Variants in LTBP1 observed in about 807,000 individuals in gnomAD.
LTBP1 encodes latent-transforming growth factor beta-binding protein 1.
Under a neutral mutation model 207.6 loss-of-function variants are expected in LTBP1, and 129 were observed. The ratio of observed to expected loss-of-function variants is 0.62; its 90% CI spans 0.54 to 0.72. The LOEUF (loss-of-function observed/expected upper bound fraction) is 0.72. LTBP1 is among the 30% of genes least tolerant of loss of function. LTBP1 has a pLI of 0.00. For synonymous variants in LTBP1, 963 were observed against 833.7 expected (o/e 1.16, Z -2.67); for missense variants, 2,281 against 2,217.2 (o/e 1.03, Z -0.58).
At chr2:33,211,113 T>C (rs1196602550) in intron 7 of LTBP1, among the ~76,000 whole-genome samples, 1 of 149,546 alleles carries the variant, frequency 6.7e-6, no homozygotes, top group East Asian at 1.9e-4. Context: ...ATGAAGACAA[T>C]TAATAAGAGT....
chr2:33,275,295 A>C (rs1339855383), intron 17 of LTBP1, among the ~76,000 whole-genome samples: 10 of 152,192 alleles, frequency 6.6e-5, no homozygotes, highest in Middle Eastern at 3.4e-3. Flanking sequence ...ATATATGTGC[A>C]TAGACAAGAT....
chr2:33,124,849 C>A (rs758746742), intron 4 of LTBP1, among the ~76,000 whole-genome samples: 6 of 152,156 alleles, frequency 3.9e-5, no homozygotes, highest in Non-Finnish European at 8.8e-5. Context: ...GGTTGGATGG[C>A]GTTATTCTGA....
At chr2:33,032,029 T>C (rs888105491) in intron 3 of LTBP1, among the ~76,000 whole-genome samples, 4 of 152,186 alleles carry the variant, frequency 2.6e-5, no homozygotes, top group African/African-American at 9.7e-5. Flanking sequence ...AGGGATCTGA[T>C]TCCCTTTAAA....
Position 33,382,111 on chromosome 2 carries a change from T to TTTTTTTTTTTTTTTG in LTBP1, c.4712-7072_4712-7071insTTTTTTTTTTTTTGT, listed in dbSNP as rs1553316521. Among the ~76,000 whole-genome samples the TTTTTTTTTTTTTTTG allele has an allele frequency of 4.8e-5, 5 of 103,652 alleles. 2 individuals are homozygous for TTTTTTTTTTTTTTTG. Among genetic ancestry groups the TTTTTTTTTTTTTTTG allele is most frequent in the African/African-American group, 2.4e-4 (5 of 20,682 alleles). The allele number at this position is 103,652 out of a possible 152,430, so 68.0% of individuals were successfully genotyped here. On this transcript the variant is annotated intron_variant, in intron 31 of 33. Transcript: ENST00000404816. ...TTTTTTTTTTTTTTTTTTTTTTTTT[T>TTTTTTTTTTTTTTTG]TGAGACAGAGTCTCGCTCTGTTGCC... is the stretch of plus-strand genomic sequence containing the variant.
chr2:33,142,864 C>T (rs888858786), intron 5 of LTBP1, among the ~76,000 whole-genome samples: 1 of 152,184 alleles, frequency 6.6e-6, no homozygotes, highest in Admixed American at 6.5e-5. Flanking sequence ...AATAAATAAC[C>T]TTTCAAAATT....
intron 15 of LTBP1, among the ~76,000 whole-genome samples, chr2:33,263,750 G>A (rs924001149): frequency 6.6e-6 from 1 of 151,984 alleles, no homozygotes; most frequent in South Asian, 2.1e-4. Context: ...TCAAGAGATC[G>A]AGACCATCCT....
intron 5 of LTBP1, among the ~76,000 whole-genome samples, chr2:33,182,705 C>T (rs996481606): frequency 0.095 from 5,258 of 55,364 alleles, 780 homozygotes; most frequent in Middle Eastern, 0.17. Flanking sequence ...TATATACACA[C>T]ACACACACAC....
chr2:33,370,658 C>T (rs150785917), intron 31 of LTBP1, among the ~76,000 whole-genome samples: 7 of 152,306 alleles, frequency 4.6e-5, no homozygotes, highest in African/African-American at 1.7e-4. Flanking sequence ...TGCCATTGAA[C>T]CTTTTAAATA....
Position 33,021,144 on chromosome 2 carries a change from C to T in LTBP1, c.801C>T (p.Ala267=), listed in dbSNP as rs137943358. 13 of 1,613,534 alleles carry T rather than the reference C, an allele frequency of 8.1e-6. No homozygotes were observed. The African/African-American group carries it at 1.7e-4, about 22-fold the overall frequency. ...CTCTACCAAGAGTCAGCCCTGTGGCCCAGATGACCTTAACCCTCAAGCCGA... is the reference window on the plus strand; with the variant it reads ...CTCTACCAAGAGTCAGCCCTGTGGCTCAGATGACCTTAACCCTCAAGCCGA... ...ADTLPRVSPV[A]QMTLTLKPKP... Residue 267 remains alanine, a synonymous_variant, in exon 3 of 34, where the codon GCC becomes GCT. Coordinates refer to ENST00000404816, the MANE Select transcript of LTBP1 (RefSeq NM_206943.4).
intron 9 of LTBP1, among the ~76,000 whole-genome samples, chr2:33,223,819 ATGAGTG>A (rs2091275348): frequency 6.6e-6 from 1 of 152,202 alleles, no homozygotes; most frequent in Non-Finnish European, 1.5e-5. Flanking sequence ...ACCTAGAAAC[ATGAGTG>A]TGTTTAGCAC....
intron 19 of LTBP1, among the ~76,000 whole-genome samples, chr2:33,289,673 A>AT (rs988788097): frequency 1.1e-4 from 17 of 152,090 alleles, no homozygotes; most frequent in South Asian, 2.1e-4. Context: ...GCTAGAACCA[A>AT]TTTTTTTTAT....
intron 3 of LTBP1, among the ~76,000 whole-genome samples, chr2:33,091,899 C>A (rs1558625537): frequency 6.6e-6 from 1 of 152,126 alleles, no homozygotes; most frequent in Non-Finnish European, 1.5e-5. Flanking sequence ...CTGATGTTCC[C>A]TGATTGGGGC....
rs574170955 is a variant in LTBP1, at chr2:33,314,282, G to C, written c.3605-862G>C. Among the ~76,000 whole-genome samples, 3 of 152,306 alleles carry C rather than the reference G, an allele frequency of 2.0e-5. No individual in the cohort carries two copies. In the South Asian group the frequency reaches 6.2e-4, roughly 32 times the overall value. On this transcript the variant is annotated intron_variant, in intron 23 of 33. Coordinates refer to ENST00000404816, the MANE Select transcript of LTBP1 (RefSeq NM_206943.4). The stretch of plus-strand genomic sequence containing the variant: ...AAGTCCTTCTCAGCCAAGCATGGTG[G>C]CTCACCTCTGTAATTGCGGCACTTT...
chr2:33,055,224 T>C (rs962919618), intron 3 of LTBP1, among the ~76,000 whole-genome samples: 2 of 152,216 alleles, frequency 1.3e-5, no homozygotes, highest in Admixed American at 6.5e-5. Context: ...TCTCCTGATA[T>C]CTGTGGCTGA....
At chr2:33,303,352 CTTT>C (rs762959638) in intron 22 of LTBP1, among the ~76,000 whole-genome samples, 2 of 132,932 alleles carry the variant, frequency 1.5e-5, no homozygotes, top group East Asian at 2.2e-4. Context: ...GTTAGATTTT[CTTT>C]TTTTTTTTTT....
intron 24 of LTBP1, among the ~76,000 whole-genome samples, chr2:33,334,011 A>C (rs556094397): frequency 6.6e-6 from 1 of 152,232 alleles, no homozygotes; most frequent in African/African-American, 2.4e-5. Context: ...GAGTTCTTCA[A>C]GGAGAGAGTG....
At chr2:33,197,584 G>A (rs1002558307) in intron 7 of LTBP1, among the ~76,000 whole-genome samples, 1 of 152,256 alleles carries the variant, frequency 6.6e-6, no homozygotes, top group African/African-American at 2.4e-5. Flanking sequence ...GGTGTCCTTT[G>A]TTTTTAAATT....
intron 2 of LTBP1, among the ~76,000 whole-genome samples, chr2:32,966,085 A>T (rs1052603006): frequency 6.6e-6 from 1 of 152,114 alleles, no homozygotes; most frequent in African/African-American, 2.4e-5. Context: ...AATAAATAAC[A>T]TATGATGTTG....
At chr2:33,093,391 C>G (rs2079210890) in intron 3 of LTBP1, among the ~76,000 whole-genome samples, 1 of 152,056 alleles carries the variant, frequency 6.6e-6, no homozygotes, top group Non-Finnish European at 1.5e-5. Context: ...ATTTTATTTA[C>G]CGCCTGGTGG....
Sources: gnomAD v4.1 joint callset for allele counts (sites outside exome capture counted in the v4.1 genomes callset) on GRCh38, gnomAD v4.1.1 for gene constraint, MANE v1.5 for transcripts, NCBI Gene and HGNC (gene_info 2026-07-23, HGNC 2026-07-21) for gene names.